The following KIF3A variants were observed in gnomAD, a reference collection of about 807,000 sequenced individuals.
KIF3A encodes the protein kinesin-like protein KIF3A.
In KIF3A, 27 loss-of-function variants were observed where a neutral mutation model predicts 92.6. The observed-to-expected ratio is 0.29, with a 90% confidence interval of 0.21 to 0.40. The LOEUF (loss-of-function observed/expected upper bound fraction) is 0.40, where lower values mean the gene tolerates loss of function less well. KIF3A is among the 10% of genes least tolerant of loss of function. The pLI is 1.00. For missense variants in KIF3A, 581 were observed against 872.6 expected, an observed-to-expected ratio of 0.67 and a Z score of 4.21; for synonymous variants, 250 against 275.4, an observed-to-expected ratio of 0.91 and a Z score of 0.92.
At chr5:132,722,755 A>G (rs1753867156) in intron 4 of KIF3A, among the ~76,000 whole-genome samples, 1 of 152,212 alleles carries the variant, frequency 6.6e-6, no homozygotes, top group Non-Finnish European at 1.5e-5. Flanking sequence ...AACTCTACCA[A>G]GAGCTAGTCA....
chr5:132,702,464 G>T, intron 14 of KIF3A, 94 bp downstream of exon 14: 1 of 744,684 alleles, frequency 1.3e-6, no homozygotes, highest in South Asian at 2.1e-5. Context: ...TAAATTATAA[G>T]CTCACATTAT....
rs138452425 is a variant in KIF3A, at chr5:132,700,699, T to G, written c.1886A>C (p.Glu629Ala). 2 of 1,588,424 alleles carry G rather than the reference T, an allele frequency of 1.3e-6. No homozygotes were observed. The highest frequency in any genetic ancestry group is 2.7e-5 in the African/African-American group (2 of 74,366). ...IDNFIPRDYQ[E>A]MIENYVHWNE... ...CCAATGGACATAGTTTTCAATCATT[T>G]CCTTTTAAAAGGGTGAAAGATAGCC... Residue 629 changes from glutamate to alanine, a missense_variant and splice_region_variant, in exon 16 of 19, where the codon GAA (glutamate) becomes GCA (alanine). By Grantham distance (107) the Glu-to-Ala change is moderately radical. Coordinates refer to ENST00000403231, the MANE Select transcript of KIF3A (RefSeq NM_001300791.2).
Position 132,717,910 on chromosome 5 carries a change from G to A in KIF3A, c.617-926C>T, listed in dbSNP as rs1268808098. On this transcript the variant is annotated intron_variant, in intron 5 of 18. Transcript: ENST00000403231. ...GACCAAAAGCTCCAATTAACTACCT[G>A]AGAATTAAATTAATTTCATTCTATG... 1.1e-4 allele frequency among the ~76,000 whole-genome samples: 17 copies of A among 152,128 alleles called. No homozygotes were observed. The East Asian group carries it at 3.3e-3, about 29-fold the overall frequency.
Position 132,737,440 on chromosome 5 carries a change from G to A in KIF3A, c.-21C>T. 1.2e-6 allele frequency: 2 copies of A among 1,602,656 alleles called. No individual in the cohort carries two copies. The highest frequency in any genetic ancestry group is 1.1e-5 in the South Asian group (1 of 89,242). ...GGCATCTTGGCCCCCTCCCGTGCCC[G>A]GCGGACGTCCCCGCCCGGGGTGCAG... On this transcript the variant is annotated 5_prime_UTR_variant, in exon 1 of 19. Coordinates refer to ENST00000403231, the MANE Select transcript of KIF3A (RefSeq NM_001300791.2).
At chr5:132,718,535 C>T (rs749091737) in intron 5 of KIF3A, among the ~76,000 whole-genome samples, 20 of 152,200 alleles carry the variant, frequency 1.3e-4, no homozygotes, top group Non-Finnish European at 2.4e-4. Flanking sequence ...GTCTCAAACT[C>T]CTGGCCTCAA....
At chr5:132,727,038 T>C (rs1754056758) in intron 2 of KIF3A, among the ~76,000 whole-genome samples, 1 of 152,210 alleles carries the variant, frequency 6.6e-6, no homozygotes, top group Admixed American at 6.5e-5. Flanking sequence ...CAACACCTCA[T>C]AGAAAGTATC....
chr5:132,690,950 T>G (rs1377017317), downstream of KIF3A, among the ~76,000 whole-genome samples: 2 of 152,074 alleles, frequency 1.3e-5, no homozygotes, highest in Admixed American at 1.3e-4. Flanking sequence ...AAATAAAAAT[T>G]TAAAGTCCTT....
chr5:132,712,531 G>C (rs1158676694), intron 8 of KIF3A, among the ~76,000 whole-genome samples: 3 of 152,144 alleles, frequency 2.0e-5, no homozygotes, highest in African/African-American at 7.2e-5. Flanking sequence ...GAAATGATGA[G>C]AATAGAAAAT....
intron 1 of KIF3A, among the ~76,000 whole-genome samples, chr5:132,735,019 C>T (rs1313468383): frequency 6.6e-6 from 1 of 152,014 alleles, no homozygotes; most frequent in Non-Finnish European, 1.5e-5. Context: ...AGAAAAATGC[C>T]TTAGTATTAC....
At chr5:132,734,079 G>T in intron 2 of KIF3A, 126 bp downstream of exon 2, 1 of 782,822 alleles carries the variant, frequency 1.3e-6, no homozygotes. Flanking sequence ...GCTGGATTGT[G>T]ATGATGGTTT....
chr5:132,735,237 G>T (rs1754351649), intron 1 of KIF3A, among the ~76,000 whole-genome samples: 1 of 152,064 alleles, frequency 6.6e-6, no homozygotes. Flanking sequence ...ACCATGCCCA[G>T]CTAATTTTTG....
chr5:132,721,386 T>C (rs1753817612), intron 4 of KIF3A: 1 of 152,130 alleles, frequency 6.6e-6, no homozygotes, highest in South Asian at 2.1e-4. Context: ...AGTGGCACTG[T>C]ATAAACAAAA....
At chr5:132,732,581 C>T (rs1482940567) in intron 2 of KIF3A, among the ~76,000 whole-genome samples, 1 of 152,140 alleles carries the variant, frequency 6.6e-6, no homozygotes, top group Non-Finnish European at 1.5e-5. Flanking sequence ...TCAAAACCAG[C>T]CTGGCCAATA....
At chr5:132,731,949 T>A (rs1255416296) in intron 2 of KIF3A, among the ~76,000 whole-genome samples, 1 of 152,152 alleles carries the variant, frequency 6.6e-6, no homozygotes, top group Non-Finnish European at 1.5e-5. Context: ...GACCTCGTGA[T>A]CTGCCTGCCT....
At chr5:132,708,061 A>G (rs1474846230) in intron 10 of KIF3A, among the ~76,000 whole-genome samples, 1 of 152,116 alleles carries the variant, frequency 6.6e-6, no homozygotes, top group African/African-American at 2.4e-5. Flanking sequence ...AGGCGGGCAG[A>G]TCATGAGGTC....
intron 18 of KIF3A, chr5:132,697,663 A>C (rs1173593342): frequency 1.3e-5 from 2 of 152,272 alleles, no homozygotes; most frequent in African/African-American, 4.8e-5. Flanking sequence ...TAAAAATACT[A>C]AAATTAACTG....
intron 5 of KIF3A, among the ~76,000 whole-genome samples, chr5:132,717,540 AT>A (rs1753668739): frequency 6.6e-6 from 1 of 152,144 alleles, no homozygotes; most frequent in Non-Finnish European, 1.5e-5. Context: ...ATTAAAAAAA[AT>A]AAGGTAGATC....
At chr5:132,704,045 C>T (rs1753132144) in intron 11 of KIF3A, among the ~76,000 whole-genome samples, 1 of 151,632 alleles carries the variant, frequency 6.6e-6, no homozygotes, top group South Asian at 2.1e-4. Flanking sequence ...AATATCTTCC[C>T]CAAGTTCACA....
rs185094913 is a variant in KIF3A, at chr5:132,703,730, C to A, written c.1310-111G>T. 204 of 674,106 alleles carry A rather than the reference C, an allele frequency of 3.0e-4. 1 individual carries two copies. In the African/African-American group the frequency reaches 3.1e-3, roughly 10 times the overall value. The allele number at this position is 674,106 out of a possible 1,614,324, so 41.8% of individuals were successfully genotyped here. A position where few individuals can be genotyped will look rare whatever the true frequency, so the allele number is the denominator to read the frequency against. On this transcript the variant is annotated intron_variant, in intron 11 of 18. Coordinates refer to ENST00000403231, the MANE Select transcript of KIF3A (RefSeq NM_001300791.2). ...CCTACACTCCTCAATAATACAAAAC[C>A]AATTATCAATATTTTAAGGAAATCA...
Sources: gnomAD v4.1 joint callset for allele counts (sites outside exome capture counted in the v4.1 genomes callset) on GRCh38, gnomAD v4.1.1 for gene constraint, MANE v1.5 for transcripts, NCBI Gene and HGNC (gene_info 2026-07-23, HGNC 2026-07-21) for gene names.